JMJD1C: variants seen among roughly 807,000 people sequenced by gnomAD.
JMJD1C encodes the protein jumonji domain-containing protein 1C.
A neutral mutation model predicts 245.3 loss-of-function variants in JMJD1C; 31 were observed. The observed-to-expected ratio is 0.13, with a 90% CI of 0.09 to 0.17. The LOEUF is 0.17. Ranked by LOEUF, JMJD1C falls within the 10% of genes least tolerant of loss-of-function variation. The pLI, the probability that JMJD1C is intolerant of heterozygous loss-of-function variation, is 1.00. For synonymous variants in JMJD1C, 1,057 were observed against 1,017.4 expected (o/e 1.04, Z -0.74); for missense variants, 2,691 against 3,000.2 (o/e 0.90, Z 2.41).
chr10:63,168,380 A>G (rs1227497067), intron 25 of JMJD1C, 55 bp downstream of exon 25: 3 of 1,534,940 alleles, frequency 2.0e-6, no homozygotes, highest in Admixed American at 2.1e-5. Flanking sequence ...TACATGTATC[A>G]TATTTCTGAA....
intron 1 of JMJD1C, among the ~76,000 whole-genome samples, chr10:63,500,204 T>A (rs536557537): frequency 6.6e-6 from 1 of 152,270 alleles, no homozygotes; most frequent in African/African-American, 2.4e-5. Context: ...GGAGAACTGC[T>A]TGAGCCCAGA....
At chr10:63,305,629 C>CGCGTGTGTGTGT (rs1554880823) in intron 2 of JMJD1C, among the ~76,000 whole-genome samples, 3 of 121,682 alleles carry the variant, frequency 2.5e-5, no homozygotes, top group Non-Finnish European at 3.5e-5. Context: ...ACCATGCTGG[C>CGCGTGTGTGTGT]GTGTGTGTGT....
At chr10:63,244,193 A>G (rs1384610489) in intron 3 of JMJD1C, among the ~76,000 whole-genome samples, 1 of 152,184 alleles carries the variant, frequency 6.6e-6, no homozygotes, top group Non-Finnish European at 1.5e-5. Flanking sequence ...GCAGTTCAGC[A>G]GCACCATGCT....
Position 63,261,171 on chromosome 10 carries a change from T to A in JMJD1C, c.447+3480A>T, listed in dbSNP as rs143031846. Among the ~76,000 whole-genome samples, 496 of 152,314 alleles carry A rather than the reference T, an allele frequency of 3.3e-3. 3 individuals carry two copies. Among genetic ancestry groups the A allele is most frequent in the African/African-American group, 0.012 (481 of 41,562 alleles). On this transcript the variant is annotated intron_variant, in intron 3 of 25. Coordinates refer to ENST00000399262, the MANE Select transcript of JMJD1C (RefSeq NM_032776.3). ...TGGCCTAATTAATATATATCCATTATACTCTCTGAAAATGTTGGTTCAATT... is the reference window on the plus strand; with the variant it reads ...TGGCCTAATTAATATATATCCATTAAACTCTCTGAAAATGTTGGTTCAATT...
chr10:63,323,613 TA>T (rs1302691270), intron 2 of JMJD1C, among the ~76,000 whole-genome samples: 3 of 152,176 alleles, frequency 2.0e-5, no homozygotes, highest in Admixed American at 6.6e-5. Flanking sequence ...GTCATACTGA[TA>T]AGAGCACAAT....
At chr10:63,446,925 CCT>C in intron 1 of JMJD1C, among the ~76,000 whole-genome samples, 1 of 152,058 alleles carries the variant, frequency 6.6e-6, no homozygotes, top group Non-Finnish European at 1.5e-5. Context: ...AGACTATTTT[CCT>C]TACAAACTAG....
chr10:63,476,403 C>T (rs376071828), intron 1 of JMJD1C, among the ~76,000 whole-genome samples: 1 of 151,972 alleles, frequency 6.6e-6, no homozygotes, highest in South Asian at 2.1e-4. Context: ...AGCATAAATA[C>T]GATTTACCAT....
chr10:63,215,333 C>T lies in JMJD1C; in HGVS notation c.945G>A (p.Lys315=). The part of the protein sequence containing the change: ...QQRSIRPNKR[K]GSDSSIPDEE... ...CATCTGGTATACTGCTATCTGAGCC[C>T]TTCCTCTTATTTGGACGGATACTTC... is the stretch of plus-strand genomic sequence containing the variant. Residue 315 remains lysine, a synonymous_variant, in exon 7 of 26, where the codon AAG becomes AAA. Transcript: ENST00000399262. 1 of 1,613,846 alleles carries T rather than the reference C, an allele frequency of 6.2e-7. No homozygotes were observed. Among genetic ancestry groups the T allele is most frequent in the African/African-American group, 1.3e-5 (1 of 74,910 alleles).
chr10:63,185,799 T>C (rs1844063784), intron 19 of JMJD1C, 146 bp from the exon 20 acceptor site: 1 of 611,314 alleles, frequency 1.6e-6, no homozygotes, highest in Non-Finnish European at 2.8e-6. Flanking sequence ...TTATTACTTA[T>C]GTACTTATGT....
chr10:63,402,880 G>T (rs548084209), intron 1 of JMJD1C, among the ~76,000 whole-genome samples: 6 of 152,162 alleles, frequency 3.9e-5, no homozygotes, highest in African/African-American at 1.4e-4. Flanking sequence ...AACTCTTTAT[G>T]CTAGTTAAGT....
intron 2 of JMJD1C, among the ~76,000 whole-genome samples, chr10:63,327,807 TAC>T (rs1000007107): frequency 1.3e-5 from 2 of 152,018 alleles, no homozygotes; most frequent in African/African-American, 4.8e-5. Flanking sequence ...TAGCTAGGAT[TAC>T]AGACATGCAC....
chr10:63,244,147 C>G (rs1163942075), intron 3 of JMJD1C, among the ~76,000 whole-genome samples: 1 of 152,178 alleles, frequency 6.6e-6, no homozygotes, highest in Admixed American at 6.5e-5. Flanking sequence ...AAACTCTGCT[C>G]CATAAATTAG....
Position 63,215,646 on chromosome 10 carries a change from T to C in JMJD1C, c.729A>G (p.Leu243=). 2.5e-6 allele frequency: 4 copies of C among 1,608,038 alleles called. No homozygotes were observed. Among genetic ancestry groups the C allele is most frequent in the Non-Finnish European group, 1.7e-6 (2 of 1,174,778 alleles). The change falls in exon 6 of 26, where the codon CTA becomes CTG. Residue 243 remains leucine, a synonymous_variant. Transcript: ENST00000399262. Reference sequence around the variant, plus strand: ...TTAACAAAGAGTGAACAACATCATCTAGAAAGGTCATTTGAACCATAGAAG... The same window carrying C: ...TTAACAAAGAGTGAACAACATCATCCAGAAAGGTCATTTGAACCATAGAAG... ...VDPSMVQMTF[L]DDVVHSLLKG... is the part of the protein sequence containing the mutation.
chr10:63,176,598 T>G, intron 23 of JMJD1C, 125 bp from the exon 24 acceptor site: 1 of 712,808 alleles, frequency 1.4e-6, no homozygotes, highest in Non-Finnish European at 2.3e-6. Flanking sequence ...AACAACTGAA[T>G]GAGCTTCTTC....
intron 3 of JMJD1C, among the ~76,000 whole-genome samples, chr10:63,233,736 T>TAG (rs1850298424): frequency 7.9e-6 from 1 of 126,528 alleles, no homozygotes; most frequent in African/African-American, 3.2e-5. Flanking sequence ...TATATATATA[T>TAG]ATATATCCAC....
chr10:63,250,914 A>C (rs772625119), intron 3 of JMJD1C, among the ~76,000 whole-genome samples: 12 of 151,846 alleles, frequency 7.9e-5, no homozygotes, highest in Non-Finnish European at 1.6e-4. Context: ...CTAAATTTTT[A>C]TTTTTATTTT....
intron 1 of JMJD1C, among the ~76,000 whole-genome samples, chr10:63,383,670 A>G (rs1177399052): frequency 6.6e-6 from 1 of 152,070 alleles, no homozygotes; most frequent in African/African-American, 2.4e-5. Context: ...ACTGCACTGC[A>G]GCCTACGTGA....
chr10:63,442,471 G>C (rs955952462), intron 1 of JMJD1C, among the ~76,000 whole-genome samples: 1 of 152,120 alleles, frequency 6.6e-6, no homozygotes, highest in Non-Finnish European at 1.5e-5. Context: ...AAGAGACTTA[G>C]GTCATTATAT....
rs548763525 is a variant in JMJD1C at position 63,281,315 on chromosome 10, T to C, written c.334-16551A>G. 5.6e-4 allele frequency among the ~76,000 whole-genome samples: 82 copies of C among 145,468 alleles called. 1 individual carries two copies. Among genetic ancestry groups the C allele is most frequent in the African/African-American group, 1.8e-3 (66 of 36,160 alleles). ...ATGCCCGGCTAATTTTTCTGTTTTT[T>C]TTTTTTGTTTGTTTTTTGTTTTTTT... On this transcript the variant is annotated intron_variant, in intron 2 of 25. Coordinates refer to ENST00000399262, the MANE Select transcript of JMJD1C (RefSeq NM_032776.3).
Sources: allele counts gnomAD v4.1 joint callset (sites outside exome capture counted in the v4.1 genomes callset), GRCh38; gene constraint gnomAD v4.1.1; transcripts MANE v1.5; gene names NCBI Gene and HGNC (gene_info 2026-07-23, HGNC 2026-07-21).